The following CDH12 variants were observed in gnomAD, a reference collection of about 807,000 sequenced individuals.
CDH12 encodes cadherin 12, also known as cadherin-12.
A neutral mutation model predicts 74.1 loss-of-function variants in CDH12; 41 were observed. The observed-to-expected ratio is 0.55, with a 90% CI of 0.43 to 0.72. CDH12 has a LOEUF of 0.72. Among genes scored for constraint, CDH12 ranks in the 30% least tolerant of loss-of-function variants. The probability of loss-of-function intolerance (pLI) is 0.00; values close to 1 mark genes in which losing one functional copy is unlikely to be tolerated. For missense variants in CDH12, 945 were observed against 977.2 expected, an observed-to-expected ratio of 0.97 and a Z score of 0.44; for synonymous variants, 399 against 355.0, an observed-to-expected ratio of 1.12 and a Z score of -1.39.
At position 22,649,824 on chromosome 5, in the gene CDH12, C is replaced by T. The variant is rs533971265; in HGVS notation, c.-522-144460G>A. 3.9e-5 allele frequency among the ~76,000 whole-genome samples: 6 copies of T among 151,942 alleles called. 1 individual carries two copies. In the South Asian group the frequency reaches 1.2e-3, roughly 32 times the overall value. On this transcript the variant is annotated intron_variant, in intron 1 of 14. Transcript: ENST00000382254. ...ATCCAGATATCCATTATTAGAGAACCTCAATTCTATACAAAAAACATGCAC... is the reference window on the plus strand; with the variant it reads ...ATCCAGATATCCATTATTAGAGAACTTCAATTCTATACAAAAAACATGCAC...
chr5:22,452,782 T>C (rs944682981), intron 2 of CDH12, among the ~76,000 whole-genome samples: 1 of 140,786 alleles, frequency 7.1e-6, no homozygotes, highest in Non-Finnish European at 1.5e-5. Flanking sequence ...AGAGCAAAGA[T>C]ACAACCTATG....
intron 1 of CDH12, among the ~76,000 whole-genome samples, chr5:22,602,919 CTTGT>C (rs1328403508): frequency 6.6e-6 from 1 of 152,088 alleles, no homozygotes; most frequent in Non-Finnish European, 1.5e-5. Context: ...GAAAATGGAT[CTTGT>C]TTGAAGATAA....
intron 1 of CDH12, among the ~76,000 whole-genome samples, chr5:22,763,348 T>G (rs865903967): frequency 6.6e-6 from 1 of 151,966 alleles, no homozygotes; most frequent in Admixed American, 6.6e-5. Context: ...ATTATCACAA[T>G]ATAAAAGAAA....
chr5:22,591,547 G>GT (rs1406393248), intron 1 of CDH12, among the ~76,000 whole-genome samples: 1 of 152,026 alleles, frequency 6.6e-6, no homozygotes, highest in African/African-American at 2.4e-5. Flanking sequence ...ACAAGTTCCT[G>GT]TTTTTTTATC....
At chr5:22,498,175 A>C (rs962190479) in intron 2 of CDH12, among the ~76,000 whole-genome samples, 2 of 152,140 alleles carry the variant, frequency 1.3e-5, no homozygotes, top group Admixed American at 1.3e-4. Flanking sequence ...AGAATTTGCA[A>C]ACTACCATTT....
chr5:22,498,877 G>A (rs888949763), intron 2 of CDH12, among the ~76,000 whole-genome samples: 2 of 146,282 alleles, frequency 1.4e-5, no homozygotes, highest in African/African-American at 2.5e-5. Flanking sequence ...CAAATAGTGT[G>A]CTCTTCTTTT....
At chr5:22,837,535 A>T (rs1736884660) in intron 1 of CDH12, among the ~76,000 whole-genome samples, 2 of 152,226 alleles carry the variant, frequency 1.3e-5, no homozygotes, top group African/African-American at 4.8e-5. Context: ...TATTACACAG[A>T]AACATATGTC....
In CDH12 at chr5:22,820,179, G is replaced by C. The variant is rs770942528; in HGVS notation, c.-523+32879C>G. On this transcript the variant is annotated intron_variant, in intron 1 of 14. Transcript: ENST00000382254. The stretch of plus-strand genomic sequence containing the variant: ...GACCAAAAAATTAAAAATGAAAAAG[G>C]TTAAAAATAATTGGAGTTCCAGAAA... Among the ~76,000 whole-genome samples, 90 of 151,528 alleles carry C rather than the reference G, an allele frequency of 5.9e-4. 1 individual carries two copies. Among genetic ancestry groups the C allele is most frequent in the Admixed American group, 1.5e-3 (23 of 15,128 alleles).
intron 11 of CDH12, among the ~76,000 whole-genome samples, chr5:21,771,358 C>T (rs952941582): frequency 1.3e-5 from 2 of 152,232 alleles, no homozygotes; most frequent in South Asian, 2.1e-4. Context: ...TTGACACAGG[C>T]TTTCTTTGAC....
chr5:22,383,316 G>A (rs1386786843), intron 3 of CDH12, among the ~76,000 whole-genome samples: 3 of 152,142 alleles, frequency 2.0e-5, no homozygotes, highest in Admixed American at 1.3e-4. Context: ...ATGAGCACAC[G>A]TAAGTCCAAT....
chr5:22,050,320 C>T (rs1365582320), intron 5 of CDH12, among the ~76,000 whole-genome samples: 1 of 152,088 alleles, frequency 6.6e-6, no homozygotes, highest in Non-Finnish European at 1.5e-5. Flanking sequence ...ATTTCTATAG[C>T]ACATCTGCAA....
chr5:21,765,024 G>C lies in CDH12; in HGVS notation c.1469C>G (p.Ser490Cys), dbSNP rs776963934. The change falls in exon 12 of 15, where the codon TCT becomes TGT. Residue 490 changes from serine to cysteine, a missense_variant. Coordinates refer to ENST00000382254, the MANE Select transcript of CDH12 (RefSeq NM_004061.5). ...LDVNEFPPEISVPYETAVCEN... is the reference protein window; with the variant it reads ...LDVNEFPPEICVPYETAVCEN... The stretch of plus-strand genomic sequence containing the variant: ...ACACACGGCTGTCTCATATGGCACA[G>C]ATATTTCTGGAGGAAATTCATTTAC... 18 of 1,612,660 alleles carry C rather than the reference G, an allele frequency of 1.1e-5. 1 individual carries two copies. In the South Asian group the frequency reaches 1.6e-4, roughly 15 times the overall value.
intron 6 of CDH12, among the ~76,000 whole-genome samples, chr5:21,889,038 A>G (rs759929519): frequency 6.6e-6 from 1 of 152,124 alleles, no homozygotes; most frequent in African/African-American, 2.4e-5. Flanking sequence ...AGAAAAGCAC[A>G]TATGATTATA....
In CDH12 at chr5:22,160,684, C is replaced by T. The variant is rs1007244218; in HGVS notation, c.-187+51814G>A. On this transcript the variant is annotated intron_variant, in intron 4 of 14. Transcript: ENST00000382254. ...TCTGGTGAGGGCCCCTTTCCTGCTT[C>T]GTAGGTCACACCTTTTGGCTGTGTC... 5.9e-5 allele frequency among the ~76,000 whole-genome samples: 9 copies of T among 152,138 alleles called. No individual in the cohort carries two copies. The South Asian group carries it at 6.2e-4, about 11-fold the overall frequency.
At chr5:22,007,173 G>A (rs1046338433) in intron 5 of CDH12, among the ~76,000 whole-genome samples, 6 of 152,062 alleles carry the variant, frequency 3.9e-5, no homozygotes, top group Non-Finnish European at 8.8e-5. Context: ...AACCAATAAA[G>A]GTAATAAAAG....
chr5:22,720,460 A>T (rs1743822448), intron 1 of CDH12, among the ~76,000 whole-genome samples: 1 of 152,182 alleles, frequency 6.6e-6, no homozygotes, highest in Non-Finnish European at 1.5e-5. Context: ...AGTTCTGTAT[A>T]GCAGCGTGAA....
chr5:22,751,076 T>C (rs1745546639), intron 1 of CDH12, among the ~76,000 whole-genome samples: 1 of 151,790 alleles, frequency 6.6e-6, no homozygotes, highest in Non-Finnish European at 1.5e-5. Flanking sequence ...AGTTGTTAAG[T>C]AGATTTGGAA....
chr5:22,226,814 T>A (rs1752209867), intron 3 of CDH12, among the ~76,000 whole-genome samples: 1 of 152,092 alleles, frequency 6.6e-6, no homozygotes, highest in Non-Finnish European at 1.5e-5. Context: ...TATATAAATG[T>A]ATATTGGTTA....
At chr5:22,272,209 C>A (rs1736430398) in intron 3 of CDH12, among the ~76,000 whole-genome samples, 1 of 152,212 alleles carries the variant, frequency 6.6e-6, no homozygotes, top group Non-Finnish European at 1.5e-5. Flanking sequence ...CTTCACCTTG[C>A]ATTTTATGTT....
Sources: gnomAD v4.1 joint callset for allele counts (sites outside exome capture counted in the v4.1 genomes callset) on GRCh38, gnomAD v4.1.1 for gene constraint, MANE v1.5 for transcripts, NCBI Gene and HGNC (gene_info 2026-07-23, HGNC 2026-07-21) for gene names.